The following NKAIN2 variants were observed in gnomAD, a reference collection of about 807,000 sequenced individuals.
NKAIN2 encodes the protein sodium/potassium-transporting ATPase subunit beta-1-interacting protein 2.
NKAIN2 carries 14 observed loss-of-function variants against 32.6 expected under a neutral mutation model. The observed-to-expected ratio is 0.43, with a 90% confidence interval of 0.28 to 0.67. The LOEUF (loss-of-function observed/expected upper bound fraction) is 0.67, where lower values mean the gene tolerates loss of function less well. Among genes scored for constraint, NKAIN2 ranks in the 30% least tolerant of loss-of-function variants. The pLI, the probability that NKAIN2 is intolerant of heterozygous loss-of-function variation, is 0.17. For missense variants in NKAIN2, 198 were observed against 258.3 expected (o/e 0.77, Z 1.60); for synonymous variants, 80 against 87.2 (o/e 0.92, Z 0.46).
chr6:124,368,425 T>G (rs1358680310), intron 3 of NKAIN2, among the ~76,000 whole-genome samples: 1 of 152,150 alleles, frequency 6.6e-6, no homozygotes, highest in Non-Finnish European at 1.5e-5. Flanking sequence ...TTGACATCTT[T>G]TACTATTCCT....
At chr6:124,732,543 C>G (rs1025456013) in intron 4 of NKAIN2, among the ~76,000 whole-genome samples, 2 of 152,008 alleles carry the variant, frequency 1.3e-5, no homozygotes, top group African/African-American at 4.8e-5. Context: ...TCATTACTCT[C>G]CATTTTATAG....
intron 1 of NKAIN2, among the ~76,000 whole-genome samples, chr6:123,847,224 T>G (rs1775131077): frequency 6.6e-6 from 1 of 152,154 alleles, no homozygotes; most frequent in Non-Finnish European, 1.5e-5. Context: ...CAAGCTGACT[T>G]TGGGGAATTC....
At chr6:124,295,798 A>T (rs1796023385) in intron 2 of NKAIN2, among the ~76,000 whole-genome samples, 1 of 152,096 alleles carries the variant, frequency 6.6e-6, no homozygotes, top group Admixed American at 6.6e-5. Flanking sequence ...ATGCTCCTGG[A>T]AATGTTTTCA....
At chr6:124,451,036 TAGAA>T (rs1470186522) in intron 3 of NKAIN2, among the ~76,000 whole-genome samples, 1 of 152,038 alleles carries the variant, frequency 6.6e-6, no homozygotes, top group African/African-American at 2.4e-5. Flanking sequence ...AAACCAGAAA[TAGAA>T]AGAATCAGTT....
At chr6:124,754,945 G>T (rs1203938094) in intron 4 of NKAIN2, among the ~76,000 whole-genome samples, 1 of 152,098 alleles carries the variant, frequency 6.6e-6, no homozygotes, top group African/African-American at 2.4e-5. Context: ...TAATAGTTAA[G>T]ATTCTCCAGA....
intron 3 of NKAIN2, among the ~76,000 whole-genome samples, chr6:124,360,174 C>G (rs1431844004): frequency 1.3e-5 from 2 of 152,074 alleles, no homozygotes; most frequent in Non-Finnish European, 2.9e-5. Flanking sequence ...ATTCAGTTTG[C>G]CAGTATTTTA....
chr6:123,895,356 G>T (rs148012559), intron 1 of NKAIN2, among the ~76,000 whole-genome samples: 2 of 151,752 alleles, frequency 1.3e-5, no homozygotes, highest in Admixed American at 1.3e-4. Flanking sequence ...TGTCTTTTTG[G>T]GTCCCTCCAA....
intron 1 of NKAIN2, chr6:124,121,973 G>C (rs982035125): frequency 1.3e-6 from 1 of 769,434 alleles, no homozygotes; most frequent in Non-Finnish European, 1.9e-6. Flanking sequence ...TTTTCCATTT[G>C]TGTCTACAGG....
chr6:124,813,414 T>C lies in NKAIN2; in HGVS notation c.536-4973T>C, dbSNP rs373703302. On this transcript the variant is annotated intron_variant, in intron 5 of 6. Coordinates refer to ENST00000368417, the MANE Select transcript of NKAIN2 (RefSeq NM_001040214.3). ...GGAGAACAAATAACAGAAGGAGGAA[T>C]CTACAACCAATAAGGAACTCAAAGC... is the stretch of plus-strand genomic sequence containing the variant. Among the ~76,000 whole-genome samples the C allele has an allele frequency of 2.0e-5, 3 of 152,192 alleles. No individual in the cohort carries two copies. The East Asian group carries it at 5.8e-4, about 29-fold the overall frequency.
chr6:124,260,685 A>T (rs1562456756), intron 1 of NKAIN2, among the ~76,000 whole-genome samples: 1 of 152,128 alleles, frequency 6.6e-6, no homozygotes, highest in Non-Finnish European at 1.5e-5. Context: ...AACATTTAGC[A>T]GAGGGGTGAC....
At chr6:124,348,218 G>A (rs890005673) in intron 2 of NKAIN2, among the ~76,000 whole-genome samples, 12 of 152,014 alleles carry the variant, frequency 7.9e-5, no homozygotes, top group African/African-American at 1.5e-4. Flanking sequence ...AGTTGTACCC[G>A]GCTGTGTGAG....
intron 1 of NKAIN2, among the ~76,000 whole-genome samples, chr6:124,206,341 C>T (rs555806645): frequency 2.6e-5 from 4 of 151,780 alleles, no homozygotes; most frequent in Non-Finnish European, 5.9e-5. Flanking sequence ...AGATTAAGCG[C>T]ATAAAACAAG....
chr6:124,124,109 C>A (rs570575448), intron 1 of NKAIN2, among the ~76,000 whole-genome samples: 9 of 152,136 alleles, frequency 5.9e-5, no homozygotes, highest in Admixed American at 6.6e-5. Context: ...TGATTTTCTA[C>A]AAAATAATGG....
chr6:124,316,836 C>T (rs1369455533), intron 2 of NKAIN2, among the ~76,000 whole-genome samples: 1 of 151,856 alleles, frequency 6.6e-6, no homozygotes, highest in African/African-American at 2.4e-5. Flanking sequence ...TATATTTATT[C>T]TCTCTAATAG....
chr6:124,329,446 GCTTTATT>G (rs1311459377), intron 2 of NKAIN2, among the ~76,000 whole-genome samples: 3 of 152,202 alleles, frequency 2.0e-5, no homozygotes, highest in Admixed American at 6.5e-5. Context: ...TGGAATTCTG[GCTTTATT>G]CCCTAATGGA....
intron 4 of NKAIN2, among the ~76,000 whole-genome samples, chr6:124,759,064 T>C (rs926469463): frequency 3.9e-5 from 6 of 152,184 alleles, no homozygotes; most frequent in Non-Finnish European, 8.8e-5. Flanking sequence ...CCACATGTAT[T>C]GTACTTTGTA....
At chr6:124,655,414 T>G (rs966664862) in intron 3 of NKAIN2, among the ~76,000 whole-genome samples, 1 of 152,170 alleles carries the variant, frequency 6.6e-6, no homozygotes, top group African/African-American at 2.4e-5. Context: ...CTCTTTTTTT[T>G]GGCAGTAGTT....
At chr6:124,700,598 T>C (rs1158186628) in intron 4 of NKAIN2, among the ~76,000 whole-genome samples, 4 of 152,126 alleles carry the variant, frequency 2.6e-5, no homozygotes, top group Non-Finnish European at 5.9e-5. Flanking sequence ...ATAGAAGCTA[T>C]AACTGACCAA....
chr6:124,608,780 G>T lies in NKAIN2; in HGVS notation c.274-49406G>T, dbSNP rs553805135. On this transcript the variant is annotated intron_variant, in intron 3 of 6. Transcript: ENST00000368417. ...GCTCACAATTTTCGACCTCACTCGG[G>T]GCAACAGAAAAGCTGACCAAGAAGG... 1.2e-4 allele frequency among the ~76,000 whole-genome samples: 19 copies of T among 152,150 alleles called. No individual in the cohort carries two copies. The South Asian group carries it at 3.1e-3, about 25-fold the overall frequency.
Sources: allele counts gnomAD v4.1 joint callset (sites outside exome capture counted in the v4.1 genomes callset), GRCh38; gene constraint gnomAD v4.1.1; transcripts MANE v1.5; gene names NCBI Gene and HGNC (gene_info 2026-07-23, HGNC 2026-07-21).